Variants in STAT4 observed in about 807,000 individuals in gnomAD.
STAT4 encodes the protein signal transducer and activator of transcription 4.
A neutral mutation model predicts 110.5 loss-of-function variants in STAT4; 42 were observed. The ratio of observed to expected loss-of-function variants is 0.38; its 90% confidence interval spans 0.30 to 0.49. STAT4 has a LOEUF of 0.49. STAT4 is among the 20% of genes least tolerant of loss of function. The probability of loss-of-function intolerance (pLI) is 0.95; values close to 1 mark genes in which losing one functional copy is unlikely to be tolerated. For synonymous variants in STAT4, 284 were observed against 302.2 expected (o/e 0.94, Z 0.63); for missense variants, 632 against 887.9 (o/e 0.71, Z 3.66).
Position 191,116,640 on chromosome 2 carries a change from G to C in STAT4, c.273+29973C>G, listed in dbSNP as rs922231558. 6.6e-6 allele frequency among the ~76,000 whole-genome samples: 1 copy of C among 152,102 alleles called. No individual in the cohort carries two copies. On this transcript the variant is annotated intron_variant, in intron 3 of 23. Coordinates refer to ENST00000392320, the MANE Select transcript of STAT4 (RefSeq NM_003151.4). This position sits in a 1 kb window ranked among gnomAD's most constrained non-coding sequence, Gnocchi z 4.1. The stretch of plus-strand genomic sequence containing the variant: ...CGGTTAAAGCAGGACACCACTGAAG[G>C]CTGCTTGAAGACTCAGCTCCAGTAT...
At chr2:191,119,239 G>A (rs1198503611) in intron 3 of STAT4, among the ~76,000 whole-genome samples, 1 of 152,108 alleles carries the variant, frequency 6.6e-6, no homozygotes, top group Non-Finnish European at 1.5e-5. Context: ...GCTAAAAAGG[G>A]TCCCGAAAGA....
intron 4 of STAT4, among the ~76,000 whole-genome samples, chr2:191,075,626 C>G (rs1363592232): frequency 6.6e-6 from 1 of 151,924 alleles, no homozygotes; most frequent in East Asian, 1.9e-4. Flanking sequence ...CAGAGTGTGG[C>G]CAGTACAAAT....
At chr2:191,064,768 C>T (rs1696940798) in intron 8 of STAT4, 39 bp downstream of exon 8, 2 of 1,591,476 alleles carry the variant, frequency 1.3e-6, no homozygotes, top group African/African-American at 1.4e-5. Context: ...TTTGTGTTTC[C>T]TGTGGTTTTC....
At chr2:191,068,966 A>C (rs545307633) in intron 6 of STAT4, among the ~76,000 whole-genome samples, 20 of 152,270 alleles carry the variant, frequency 1.3e-4, no homozygotes, top group African/African-American at 4.8e-4. Context: ...AGTAAAATAA[A>C]TTGCAGTGAC....
intron 3 of STAT4, among the ~76,000 whole-genome samples, chr2:191,109,967 C>A (rs1402996571): frequency 2.0e-5 from 3 of 152,146 alleles, no homozygotes; most frequent in Admixed American, 2.0e-4. Context: ...TCCCTTAAGG[C>A]TGTTAGGTTT....
chr2:191,126,513 T>A (rs886218827), intron 3 of STAT4, among the ~76,000 whole-genome samples: 2 of 152,218 alleles, frequency 1.3e-5, no homozygotes, highest in African/African-American at 4.8e-5. Context: ...TGTGAACACC[T>A]TCATGTCGTC....
intron 3 of STAT4, among the ~76,000 whole-genome samples, chr2:191,130,129 A>G (rs768976445): frequency 6.6e-6 from 1 of 152,106 alleles, no homozygotes; most frequent in Non-Finnish European, 1.5e-5. Context: ...AGCTGCGAAT[A>G]GAATATTGAT....
chr2:191,063,366 T>C (rs1308784445), intron 8 of STAT4, among the ~76,000 whole-genome samples: 1 of 152,220 alleles, frequency 6.6e-6, no homozygotes, highest in Non-Finnish European at 1.5e-5. Context: ...ATGTAACCGA[T>C]CTTCCCACAC....
intron 3 of STAT4, among the ~76,000 whole-genome samples, chr2:191,124,564 G>A (rs1698826866): frequency 6.6e-6 from 1 of 151,964 alleles, no homozygotes; most frequent in Non-Finnish European, 1.5e-5. Context: ...GTCTTATGCA[G>A]GAGGCAGGCA....
At chr2:191,085,117 T>C (rs1056899692) in intron 3 of STAT4, among the ~76,000 whole-genome samples, 4 of 151,748 alleles carry the variant, frequency 2.6e-5, no homozygotes, top group Non-Finnish European at 5.9e-5. Flanking sequence ...TTAGATTTTA[T>C]TGTTTGGGAA....
At chr2:191,119,321 G>T (rs377072863) in intron 3 of STAT4, among the ~76,000 whole-genome samples, 2 of 152,108 alleles carry the variant, frequency 1.3e-5, no homozygotes, top group African/African-American at 2.4e-5. Flanking sequence ...AGAGGAGAAT[G>T]AGTTGTTTTA....
intron 13 of STAT4, 40 bp downstream of exon 13, chr2:191,057,978 G>A (rs1696752330): frequency 6.7e-7 from 1 of 1,490,832 alleles, no homozygotes; most frequent in Non-Finnish European, 9.4e-7. Context: ...GTCTGATTTT[G>A]GGGAAAAAAA....
rs764326955 is a variant in STAT4 at position 191,050,943 on chromosome 2, G to C, written c.1251+3547C>G. Among the ~76,000 whole-genome samples, 3 of 152,182 alleles carry C rather than the reference G, an allele frequency of 2.0e-5. No homozygotes were observed. The highest frequency in any genetic ancestry group is 2.9e-5 in the Non-Finnish European group (2 of 68,042). ...GCAACTTAGTGAAACTATCATTTAT[G>C]ACATCTTTGTCCATTGTCAATCATT... On this transcript the variant is annotated intron_variant, in intron 14 of 23. Transcript: ENST00000392320. The surrounding 1 kb of genome is among the most constrained non-coding windows in gnomAD (Gnocchi z 4.3).
chr2:191,115,516 G>A (rs908399739), intron 3 of STAT4, among the ~76,000 whole-genome samples: 3 of 152,148 alleles, frequency 2.0e-5, no homozygotes, highest in Admixed American at 6.5e-5. Flanking sequence ...TGTCAACCAC[G>A]CTTCAATGCC....
Position 191,033,886 on chromosome 2 carries a change from A to G in STAT4, c.1715+25T>C, listed in dbSNP as rs780517552. 6.5e-7 allele frequency: 1 copy of G among 1,537,210 alleles called. No homozygotes were observed. The highest frequency in any genetic ancestry group is 8.8e-7 in the Non-Finnish European group (1 of 1,130,620). ...GAAAAAAAGAACATAATTAACTCAT[A>G]TGAAAAATATAGCCTATAACTTACC... On this transcript the variant is annotated intron_variant, in intron 19 of 23. Transcript: ENST00000392320. The surrounding 1 kb of genome is among the most constrained non-coding windows in gnomAD (Gnocchi z 6.9).
At chr2:191,080,816 GT>G (rs992027489) in intron 3 of STAT4, among the ~76,000 whole-genome samples, 3 of 152,014 alleles carry the variant, frequency 2.0e-5, no homozygotes, top group Admixed American at 2.0e-4. Context: ...CCACTATCGT[GT>G]TTCACTCTTA....
In STAT4 at chr2:191,037,619, C is replaced by G. The variant is rs757556751; in HGVS notation, c.1435-1320G>C. On this transcript the variant is annotated intron_variant, in intron 16 of 23. Coordinates refer to ENST00000392320, the MANE Select transcript of STAT4 (RefSeq NM_003151.4). The surrounding 1 kb of genome is among the most constrained non-coding windows in gnomAD (Gnocchi z 4.8). The stretch of plus-strand genomic sequence containing the variant: ...AAAGGAAGAATTCAGAAATCCAGTG[C>G]GGTGCCTGGAAAAGGCCGTTGTGAA... Among the ~76,000 whole-genome samples the G allele has an allele frequency of 6.6e-6, 1 of 152,256 alleles. No individual in the cohort carries two copies. Among genetic ancestry groups the G allele is most frequent in the East Asian group, 1.9e-4 (1 of 5,184 alleles).
In STAT4 at chr2:191,090,972, G is replaced by C. The variant is rs1697783034; in HGVS notation, c.274-14647C>G. On this transcript the variant is annotated intron_variant, in intron 3 of 23. Transcript: ENST00000392320. This position sits in a 1 kb window ranked among gnomAD's most constrained non-coding sequence, Gnocchi z 4.2. ...CTGCAGAATGATCTATGTCTACGAAGACTTAACCCTTCTAGACAATCACTC... is the reference window on the plus strand; with the variant it reads ...CTGCAGAATGATCTATGTCTACGAACACTTAACCCTTCTAGACAATCACTC... Among the ~76,000 whole-genome samples the C allele has an allele frequency of 1.3e-5, 2 of 152,262 alleles. No individual in the cohort carries two copies. The highest frequency in any genetic ancestry group is 4.8e-5 in the African/African-American group (2 of 41,548).
intron 3 of STAT4, among the ~76,000 whole-genome samples, chr2:191,101,392 T>C (rs370822410): frequency 6.4e-4 from 97 of 152,320 alleles, no homozygotes; most frequent in African/African-American, 2.2e-3. Flanking sequence ...AATTGGTACT[T>C]AATACTTCAA....
Sources: gnomAD v4.1 joint callset for allele counts (sites outside exome capture counted in the v4.1 genomes callset) on GRCh38, gnomAD v4.1.1 for gene constraint, Gnocchi (gnomAD v3.1) non-coding constraint, MANE v1.5 for transcripts, NCBI Gene and HGNC (gene_info 2026-07-23, HGNC 2026-07-21) for gene names.